Variants in ZMYM4 observed in about 807,000 individuals in gnomAD.
The protein encoded by ZMYM4 is zinc finger MYM-type protein 4.
A neutral mutation model predicts 183.2 loss-of-function variants in ZMYM4; 31 were observed. The observed-to-expected ratio is 0.17, with a 90% CI of 0.13 to 0.23. The LOEUF is 0.23. Among genes scored for constraint, ZMYM4 ranks in the 10% least tolerant of loss-of-function variants. The probability of loss-of-function intolerance (pLI) is 1.00; values close to 1 mark genes in which losing one functional copy is unlikely to be tolerated. For synonymous variants in ZMYM4, 592 were observed against 631.2 expected (o/e 0.94, Z 0.93); for missense variants, 1,273 against 1,840.3 (o/e 0.69, Z 5.64).
At chr1:35,316,897 G>A (rs544525249) in intron 1 of ZMYM4, among the ~76,000 whole-genome samples, 24 of 152,134 alleles carry the variant, frequency 1.6e-4, no homozygotes, top group South Asian at 1.0e-3. Context: ...TGAGGCGGGC[G>A]GATCACCTGA....
At chr1:35,285,136 A>C (rs1640413313) in intron 1 of ZMYM4, among the ~76,000 whole-genome samples, 1 of 151,190 alleles carries the variant, frequency 6.6e-6, no homozygotes, top group Non-Finnish European at 1.5e-5. Context: ...TTTTTTTTTC[A>C]AGATTGTTTT....
At chr1:35,384,152 G>A (rs1322650018) in intron 9 of ZMYM4, among the ~76,000 whole-genome samples, 2 of 152,130 alleles carry the variant, frequency 1.3e-5, no homozygotes, top group African/African-American at 4.8e-5. Context: ...AGTATTATGG[G>A]TACAGTGGGC....
intron 2 of ZMYM4, among the ~76,000 whole-genome samples, chr1:35,355,669 T>A (rs1180712930): frequency 2.0e-5 from 3 of 152,174 alleles, no homozygotes; most frequent in African/African-American, 7.2e-5. Flanking sequence ...ATTTGATCTT[T>A]TATATTTTTA....
intron 2 of ZMYM4, among the ~76,000 whole-genome samples, chr1:35,346,874 C>T (rs1643416259): frequency 6.6e-6 from 1 of 152,128 alleles, no homozygotes; most frequent in Non-Finnish European, 1.5e-5. Flanking sequence ...TGGCTGTGGT[C>T]AACAAATATG....
rs570926575 is a variant in ZMYM4 at position 35,346,518 on chromosome 1, G to A, written c.86-12407G>A. Reference sequence around the variant, plus strand: ...ACACAAAAATTAGCTGGGAGTGATGGCGTACGCCTGTAATCCCAGCTACTG... The same window carrying A: ...ACACAAAAATTAGCTGGGAGTGATGACGTACGCCTGTAATCCCAGCTACTG... On this transcript the variant is annotated intron_variant, in intron 2 of 29. Transcript: ENST00000314607. Among the ~76,000 whole-genome samples the A allele has an allele frequency of 2.0e-4, 30 of 152,032 alleles. No individual in the cohort carries two copies. In the South Asian group the frequency reaches 6.2e-3, roughly 32 times the overall value.
chr1:35,309,149 C>G (rs1446949345), intron 1 of ZMYM4: 1 of 649,730 alleles, frequency 1.5e-6, no homozygotes, highest in Non-Finnish European at 1.9e-6. Flanking sequence ...AACAAGATGA[C>G]TTAACTGTTG....
chr1:35,339,206 A>G (rs1010088688), intron 2 of ZMYM4, among the ~76,000 whole-genome samples: 1 of 152,192 alleles, frequency 6.6e-6, no homozygotes. Context: ...ACAATACAAT[A>G]TAACAACTAT....
chr1:35,274,027 A>G (rs1639745310), intron 1 of ZMYM4, among the ~76,000 whole-genome samples: 1 of 152,162 alleles, frequency 6.6e-6, no homozygotes, highest in Non-Finnish European at 1.5e-5. Context: ...AATTTCTGTT[A>G]TTTTAATATT....
chr1:35,376,851 T>C (rs1644345675), intron 7 of ZMYM4, among the ~76,000 whole-genome samples: 1 of 151,626 alleles, frequency 6.6e-6, no homozygotes, highest in Admixed American at 6.6e-5. Context: ...ATGCTTCTGT[T>C]ACAGTATTTT....
At chr1:35,322,417 TTA>T (rs199654102) in intron 1 of ZMYM4, among the ~76,000 whole-genome samples, 3 of 152,142 alleles carry the variant, frequency 2.0e-5, no homozygotes, top group African/African-American at 7.2e-5. Flanking sequence ...TCTAGGGCTT[TTA>T]TTTTTTTTTC....
Position 35,389,781 on chromosome 1 carries a change from A to ATATGTGTGTGTG in ZMYM4, c.2437-166_2437-165insATGTGTGTGTGT, listed in dbSNP as rs1553179061. ...AAAAAAAAAAAAAATATATATATATATGTGTGTGTGTGTGTGTGTGTGTGT... is the reference window on the plus strand; with the variant it reads ...AAAAAAAAAAAAAATATATATATATATATGTGTGTGTGTGTGTGTGTGTGTGTGTGTGTGTGT... On this transcript the variant is annotated intron_variant, in intron 14 of 29. Transcript: ENST00000314607. This position sits in a 1 kb window ranked among gnomAD's most constrained non-coding sequence, Gnocchi z 4.0. Among the ~76,000 whole-genome samples, 2,405 of 141,356 alleles carry ATATGTGTGTGTG rather than the reference A, an allele frequency of 0.017. 90 individuals are homozygous for ATATGTGTGTGTG. Among genetic ancestry groups the ATATGTGTGTGTG allele is most frequent in the East Asian group, 0.13 (627 of 4,678 alleles). The allele number at this position is 141,356 out of a possible 152,430, so 92.7% of individuals were successfully genotyped here.
At chr1:35,282,117 G>A (rs765298595) in intron 1 of ZMYM4, among the ~76,000 whole-genome samples, 1 of 152,186 alleles carries the variant, frequency 6.6e-6, no homozygotes, top group East Asian at 1.9e-4. Context: ...GTAAGTATTT[G>A]TTTGAGTCCT....
At position 35,367,041 on chromosome 1, in the gene ZMYM4, A is replaced by T. The variant is rs1033977596; in HGVS notation, c.841-2988A>T. Among the ~76,000 whole-genome samples the T allele has an allele frequency of 1.3e-4, 19 of 151,328 alleles. 1 individual carries two copies. The East Asian group carries it at 3.5e-3, about 28-fold the overall frequency. Reference sequence around the variant, plus strand: ...CTCCATCTCAAAAAAAAAAAAAAAAATTGAGATTTAGATTTGATGCAATTC... The same window carrying T: ...CTCCATCTCAAAAAAAAAAAAAAAATTTGAGATTTAGATTTGATGCAATTC... On this transcript the variant is annotated intron_variant, in intron 5 of 29. Transcript: ENST00000314607.
In ZMYM4 at chr1:35,333,915, C is replaced by T. The variant is rs527390671; in HGVS notation, c.85+8510C>T. 2.9e-4 allele frequency among the ~76,000 whole-genome samples: 44 copies of T among 151,726 alleles called. No individual in the cohort carries two copies. The South Asian group carries it at 3.5e-3, about 12-fold the overall frequency. On this transcript the variant is annotated intron_variant, in intron 2 of 29. Coordinates refer to ENST00000314607, the MANE Select transcript of ZMYM4 (RefSeq NM_005095.3). ...CTGCTTTGTTTTTAGGCATTTATGT[C>T]GTTTAAGGTTTTTTCTGCCACAATG...
At chr1:35,349,681 C>A (rs931087244) in intron 2 of ZMYM4, among the ~76,000 whole-genome samples, 3 of 150,218 alleles carry the variant, frequency 2.0e-5, no homozygotes, top group East Asian at 2.0e-4. Context: ...TACAAAAAAA[C>A]CAGCCAGGCG....
intron 26 of ZMYM4, among the ~76,000 whole-genome samples, chr1:35,411,298 C>G (rs1289612930): frequency 6.6e-6 from 1 of 150,750 alleles, no homozygotes; most frequent in African/African-American, 2.4e-5. Context: ...GGATTACAGG[C>G]GCCCGCCACT....
intron 2 of ZMYM4, among the ~76,000 whole-genome samples, chr1:35,354,893 A>C (rs1359690704): frequency 1.3e-5 from 2 of 151,962 alleles, no homozygotes; most frequent in African/African-American, 4.8e-5. Flanking sequence ...TTTTTCTGTT[A>C]AGGGCCAGAT....
intron 9 of ZMYM4, among the ~76,000 whole-genome samples, chr1:35,383,981 A>G (rs986168451): frequency 6.6e-6 from 1 of 152,230 alleles, no homozygotes; most frequent in Non-Finnish European, 1.5e-5. Context: ...AATGCCTAGT[A>G]TGTAACTGAG....
chr1:35,370,365 T>TTTTA lies in ZMYM4; in HGVS notation c.926-5_926-4insTATT. ...TTTTTTTTTTTTTTTTTTTTTTTTT[T>TTTTA]TTAAAGCTCCACAGTTGACTACTGG... is the stretch of plus-strand genomic sequence containing the variant. On this transcript the variant is annotated splice_region_variant and splice_polypyrimidine_tract_variant and intron_variant, in intron 6 of 29. Coordinates refer to ENST00000314607, the MANE Select transcript of ZMYM4 (RefSeq NM_005095.3). 1.4e-6 allele frequency: 2 copies of TTTTA among 1,432,312 alleles called. No homozygotes were observed. Among genetic ancestry groups the TTTTA allele is most frequent in the Non-Finnish European group, 1.8e-6 (2 of 1,092,698 alleles). 88.7% of individuals were successfully genotyped at this position (1,432,312 alleles called of 1,614,324 possible).
Sources: allele counts gnomAD v4.1 joint callset (sites outside exome capture counted in the v4.1 genomes callset), GRCh38; gene constraint gnomAD v4.1.1; non-coding constraint Gnocchi (gnomAD v3.1); transcripts MANE v1.5; gene names NCBI Gene and HGNC (gene_info 2026-07-23, HGNC 2026-07-21).